ITGB6: variants seen among roughly 807,000 people sequenced by gnomAD.
The protein encoded by ITGB6 is integrin beta-6.
In ITGB6, 80 loss-of-function variants were observed where a neutral mutation model predicts 84.5. The ratio of observed to expected loss-of-function variants is 0.95; its 90% confidence interval spans 0.79 to 1.14. ITGB6 has a LOEUF of 1.14. Among genes scored for constraint, ITGB6 ranks in the 50% most tolerant of loss-of-function variants. The probability of loss-of-function intolerance (pLI) is 0.00; values close to 1 mark genes in which losing one functional copy is unlikely to be tolerated. For synonymous variants in ITGB6, 383 were observed against 354.9 expected, an observed-to-expected ratio of 1.08 and a Z score of -0.89; for missense variants, 1,006 against 968.0, an observed-to-expected ratio of 1.04 and a Z score of -0.52.
chr2:160,119,240 G>C (rs1682922513), intron 12 of ITGB6, among the ~76,000 whole-genome samples: 1 of 152,180 alleles, frequency 6.6e-6, no homozygotes, highest in Admixed American at 6.5e-5. Flanking sequence ...AAAGCTAGAG[G>C]CATCATGCTA....
Position 160,196,343 on chromosome 2 carries a change from G to A in ITGB6, c.219C>T (p.Asn73=). The change falls in exon 3 of 15, where the codon AAC becomes AAT. Residue 73 remains asparagine, a synonymous_variant. Coordinates refer to ENST00000283249, the MANE Select transcript of ITGB6 (RefSeq NM_000888.5). ...CTTGGGAGACAGGGTTTTCGATGAA[G>A]TTTAATTGACATCCTTTAGCTAAAA... ...ANLLAKGCQL[N]FIENPVSQVE... is the part of the protein sequence containing the mutation. 6.2e-7 allele frequency: 1 copy of A among 1,614,020 alleles called. No individual in the cohort carries two copies. The highest frequency in any genetic ancestry group is 1.1e-5 in the South Asian group (1 of 91,078).
intron 7 of ITGB6, 70 bp downstream of exon 7, chr2:160,169,142 A>G (rs1685108526): frequency 2.3e-6 from 2 of 869,210 alleles, no homozygotes; most frequent in Admixed American, 2.2e-5. Flanking sequence ...TGTTAAACTC[A>G]CAGAGTTAAT....
At chr2:160,110,353 A>G (rs1697083043) in intron 13 of ITGB6, among the ~76,000 whole-genome samples, 1 of 152,250 alleles carries the variant, frequency 6.6e-6, no homozygotes, top group Non-Finnish European at 1.5e-5. Context: ...ATATAAAACA[A>G]CATCTGGCAA....
intron 7 of ITGB6, among the ~76,000 whole-genome samples, chr2:160,145,512 C>T (rs1446771313): frequency 6.6e-6 from 1 of 152,188 alleles, no homozygotes; most frequent in African/African-American, 2.4e-5. Flanking sequence ...CTGGAATTCT[C>T]CTCTTTGTGG....
In ITGB6 at chr2:160,107,680, GT is replaced by G; in HGVS notation, c.2266del (p.Thr756ArgfsTer17). 1 of 1,613,700 alleles carries G rather than the reference GT, an allele frequency of 6.2e-7. No individual in the cohort carries two copies. The highest frequency in any genetic ancestry group is 1.7e-5 in the Admixed American group (1 of 60,010). ...GAGTAGCCCTAAGTTTCCACATACC[GT>G]TTGCCACTTGGCTTTTGATCGTTCT... Reference protein sequence around the residue: ...EAERSKAKWQTGTNPLYRGST... With the variant: ...EAERSKAKWQXGTNPLYRGST... On this transcript the variant is annotated frameshift_variant and splice_region_variant, in exon 14 of 15. Coordinates refer to ENST00000283249, the MANE Select transcript of ITGB6 (RefSeq NM_000888.5). LOFTEE classifies it high-confidence loss of function.
Position 160,137,677 on chromosome 2 carries a change from A to T in ITGB6, c.1417T>A (p.Ser473Thr), listed in dbSNP as rs933477694. The change falls in exon 10 of 15, where the codon TCT becomes ACT. Residue 473 changes from serine to threonine, a missense_variant. Ser to Thr is a moderately conservative substitution (Grantham distance 58, BLOSUM62 1). Coordinates refer to ENST00000283249, the MANE Select transcript of ITGB6 (RefSeq NM_000888.5). Reference protein sequence around the residue: ...NSSKCHHGNGSFQCGVCACHP... With the variant: ...NSSKCHHGNGTFQCGVCACHP... ...CAGGCACACACCCCACACTGGAAAG[A>T]GCCGTTCCCGTGGTGACATTTGGAG... is the stretch of plus-strand genomic sequence containing the variant. 6.2e-6 allele frequency: 10 copies of T among 1,614,186 alleles called. No homozygotes were observed. The highest frequency in any genetic ancestry group is 8.5e-6 in the Non-Finnish European group (10 of 1,180,022).
At chr2:160,172,431 G>T in intron 6 of ITGB6, 138 bp downstream of exon 6, 1 of 791,066 alleles carries the variant, frequency 1.3e-6, no homozygotes, top group Non-Finnish European at 2.0e-6. Context: ...GAATCGAGCT[G>T]GGGCAACTTG....
In ITGB6 at chr2:160,104,512, C is replaced by T. The variant is rs1696835870; in HGVS notation, c.2269-2678G>A. 3.3e-5 allele frequency among the ~76,000 whole-genome samples: 5 copies of T among 152,300 alleles called. No homozygotes were observed. The South Asian group carries it at 1.0e-3, about 32-fold the overall frequency. ...TGATTCCCCCAGGTGTCTGGGAGTGCTAATTTAGGCTGTGGATTCTGCAAA... is the reference window on the plus strand; with the variant it reads ...TGATTCCCCCAGGTGTCTGGGAGTGTTAATTTAGGCTGTGGATTCTGCAAA... On this transcript the variant is annotated intron_variant, in intron 14 of 14. Transcript: ENST00000283249.
intron 11 of ITGB6, 130 bp from the exon 12 acceptor site, chr2:160,124,018 T>C: frequency 3.3e-6 from 2 of 605,764 alleles, no homozygotes; most frequent in Non-Finnish European, 5.8e-6. Flanking sequence ...TATCTTTTGT[T>C]ACTTTCAAAA....
In ITGB6 at chr2:160,107,715, T is replaced by A. The variant is rs760403120; in HGVS notation, c.2232A>T (p.Lys744Asn). Residue 744 changes from lysine (K) to asparagine (N), a missense_variant, in exon 14 of 15, where the codon AAA (lysine) becomes AAT (asparagine). By Grantham distance (94) the Lys-to-Asn change is moderately conservative (BLOSUM62 0). Transcript: ENST00000283249. ...VSFHDRKEVAKFEAERSKAKW... is the reference protein window; with the variant it reads ...VSFHDRKEVANFEAERSKAKW... Reference sequence around the variant, plus strand: ...TGGCTTTTGATCGTTCTGCTTCAAATTTGGCAACTTCTTTACGATCATGAA... The same window carrying A: ...TGGCTTTTGATCGTTCTGCTTCAAAATTGGCAACTTCTTTACGATCATGAA... 1.9e-6 allele frequency: 3 copies of A among 1,614,092 alleles called. No individual in the cohort carries two copies. The Admixed American group carries it at 5.0e-5, about 27-fold the overall frequency.
chr2:160,187,034 G>A (rs1165457364), intron 4 of ITGB6, among the ~76,000 whole-genome samples: 1 of 152,058 alleles, frequency 6.6e-6, no homozygotes, highest in African/African-American at 2.4e-5. Flanking sequence ...GTTGATGGGT[G>A]CAGCAAACAA....
intron 6 of ITGB6, among the ~76,000 whole-genome samples, chr2:160,171,357 C>G (rs1399473001): frequency 7.4e-6 from 1 of 134,412 alleles, no homozygotes; most frequent in East Asian, 2.1e-4. Flanking sequence ...TTTTTGGAGA[C>G]GGAGTCTCGC....
chr2:160,150,793 G>A (rs936535437), intron 7 of ITGB6, among the ~76,000 whole-genome samples: 2 of 152,002 alleles, frequency 1.3e-5, no homozygotes, highest in Non-Finnish European at 2.9e-5. Context: ...AAAAAAAGCA[G>A]GGGTTGCAAT....
chr2:160,169,041 C>T (rs554801730), intron 7 of ITGB6, among the ~76,000 whole-genome samples, 171 bp downstream of exon 7: 3 of 152,276 alleles, frequency 2.0e-5, no homozygotes, highest in African/African-American at 7.2e-5. Context: ...TAGGTGTTTA[C>T]AATTTAAATT....
intron 7 of ITGB6, among the ~76,000 whole-genome samples, chr2:160,164,368 T>A (rs939202583): frequency 6.6e-6 from 1 of 152,166 alleles, no homozygotes; most frequent in Non-Finnish European, 1.5e-5. Flanking sequence ...AATCTGTAAA[T>A]CTCAAAGCAT....
chr2:160,109,356 G>A (rs776853575), intron 13 of ITGB6, among the ~76,000 whole-genome samples: 2 of 152,140 alleles, frequency 1.3e-5, no homozygotes, highest in African/African-American at 2.4e-5. Context: ...CAAATAAAGC[G>A]GCAGGCCTGT....
rs544240584 is a variant in ITGB6 at position 160,163,710 on chromosome 2, A to G, written c.1017+5502T>C. On this transcript the variant is annotated intron_variant, in intron 7 of 14. Transcript: ENST00000283249. Reference sequence around the variant, plus strand: ...TCTGCTTTTTCACTATAGCAGGTTCAATTGTGAGTTATCTCAGTGATTCAA... The same window carrying G: ...TCTGCTTTTTCACTATAGCAGGTTCGATTGTGAGTTATCTCAGTGATTCAA... Among the ~76,000 whole-genome samples the G allele has an allele frequency of 5.9e-5, 9 of 152,196 alleles. No homozygotes were observed. The South Asian group carries it at 1.0e-3, about 18-fold the overall frequency.
Position 160,163,016 on chromosome 2 carries a change from C to T in ITGB6, c.1017+6196G>A, listed in dbSNP as rs1051018620. On this transcript the variant is annotated intron_variant, in intron 7 of 14. Transcript: ENST00000283249. ...CAGACCACGTGCCCCCAATTTCTCA[C>T]TTTGATTGGAACCATAGATTGTGAT... 4.1e-4 allele frequency among the ~76,000 whole-genome samples: 63 copies of T among 152,156 alleles called. 1 individual carries two copies. The highest frequency in any genetic ancestry group is 2.9e-5 in the Non-Finnish European group (2 of 68,036).
chr2:160,177,507 C>T (rs1026173242), intron 4 of ITGB6, among the ~76,000 whole-genome samples: 1 of 151,428 alleles, frequency 6.6e-6, no homozygotes, highest in Non-Finnish European at 1.5e-5. Context: ...GGAGGCGGAG[C>T]TTGCAGTGAG....
Sources: allele counts gnomAD v4.1 joint callset (sites outside exome capture counted in the v4.1 genomes callset), GRCh38; gene constraint gnomAD v4.1.1; transcripts MANE v1.5; gene names NCBI Gene and HGNC (gene_info 2026-07-23, HGNC 2026-07-21).